Variants in CDH6 observed in about 807,000 individuals in gnomAD.
The protein encoded by CDH6 is cadherin-6.
In CDH6, 31 loss-of-function variants were observed where a neutral mutation model predicts 78.0. The ratio of observed to expected loss-of-function variants is 0.40; its 90% CI spans 0.30 to 0.54. The LOEUF is 0.54. CDH6 is among the 20% of genes least tolerant of loss of function. The probability of loss-of-function intolerance (pLI) is 0.56; values close to 1 mark genes in which losing one functional copy is unlikely to be tolerated. For synonymous variants in CDH6, 376 were observed against 368.8 expected (o/e 1.02, Z -0.23); for missense variants, 724 against 975.9 (o/e 0.74, Z 3.44).
intron 1 of CDH6, among the ~76,000 whole-genome samples, chr5:31,204,011 C>T (rs1012179416): frequency 1.3e-5 from 2 of 152,148 alleles, no homozygotes; most frequent in African/African-American, 4.8e-5. Context: ...GAGGTGGTCC[C>T]AAACCTCCAG....
chr5:31,318,381 TA>T (rs1269461894), intron 11 of CDH6: 4 of 280,320 alleles, frequency 1.4e-5, no homozygotes, highest in Non-Finnish European at 2.7e-5. Flanking sequence ...CCTAGAAAAA[TA>T]AAAACTATGA....
Position 31,316,479 on chromosome 5 carries a change from C to G in CDH6, c.1512+150C>G, listed in dbSNP as rs544086065. On this transcript the variant is annotated intron_variant, in intron 9 of 11. Transcript: ENST00000265071. ...TTAATACTATAAATAAGAACCAGGA[C>G]TTACATATGAGAACTAACAGTTTCG... is the stretch of plus-strand genomic sequence containing the variant. 1.0e-4 allele frequency: 67 copies of G among 653,036 alleles called. No individual in the cohort carries two copies. In the African/African-American group the frequency reaches 1.1e-3, roughly 11 times the overall value. 40.5% of individuals were successfully genotyped at this position (653,036 alleles called of 1,614,324 possible).
chr5:31,267,847 G>C (rs1015754863), intron 2 of CDH6, 146 bp downstream of exon 2: 1 of 629,776 alleles, frequency 1.6e-6, no homozygotes, highest in East Asian at 2.7e-5. Context: ...TTCCACTTGA[G>C]TAGTTTCGGG....
intron 11 of CDH6, chr5:31,318,905 C>A (rs1738400952): frequency 4.4e-6 from 1 of 225,300 alleles, no homozygotes; most frequent in Admixed American, 5.7e-5. Flanking sequence ...CTCCTTCACG[C>A]TCCACATCAA....
At chr5:31,226,538 T>C (rs1347801664) in intron 1 of CDH6, among the ~76,000 whole-genome samples, 1 of 152,168 alleles carries the variant, frequency 6.6e-6, no homozygotes, top group Admixed American at 6.5e-5. Context: ...CGCTTTCTTT[T>C]CTTGGAAGAG....
At chr5:31,230,131 G>A (rs904921792) in intron 1 of CDH6, among the ~76,000 whole-genome samples, 4 of 152,182 alleles carry the variant, frequency 2.6e-5, no homozygotes, top group African/African-American at 9.6e-5. Context: ...CACAGAAAGA[G>A]CCCTGAAGTC....
chr5:31,292,319 G>A (rs564404362), intron 2 of CDH6, among the ~76,000 whole-genome samples: 33 of 152,264 alleles, frequency 2.2e-4, no homozygotes, highest in African/African-American at 7.9e-4. Context: ...GACACTCAGA[G>A]CCTTTGACAT....
intron 1 of CDH6, among the ~76,000 whole-genome samples, chr5:31,243,419 G>A (rs1436155511): frequency 6.6e-6 from 1 of 152,206 alleles, no homozygotes; most frequent in Non-Finnish European, 1.5e-5. Context: ...TGGGGTTTCA[G>A]AATATTCAGC....
At chr5:31,290,280 A>T (rs1026869514) in intron 2 of CDH6, among the ~76,000 whole-genome samples, 1 of 152,164 alleles carries the variant, frequency 6.6e-6, no homozygotes, top group East Asian at 1.9e-4. Context: ...AACACATTTT[A>T]AAAATCAACA....
chr5:31,258,983 C>T (rs1043648604), intron 1 of CDH6, among the ~76,000 whole-genome samples: 1 of 152,170 alleles, frequency 6.6e-6, no homozygotes, highest in African/African-American at 2.4e-5. Flanking sequence ...CGTGGACAAG[C>T]TATTTGACCT....
At chr5:31,243,627 A>G (rs1292271739) in intron 1 of CDH6, among the ~76,000 whole-genome samples, 1 of 152,058 alleles carries the variant, frequency 6.6e-6, no homozygotes, top group African/African-American at 2.4e-5. Flanking sequence ...TGCCTGCTTG[A>G]CACTTCCCTC....
rs1424097143 is a variant in CDH6 at position 31,302,898 on chromosome 5, AG to A, written c.999+601del. ...GGGAAGGAAGGAAGGAAAGAAAGAAAGAAAAAAAGAAAGAAAGAAAGAAAGA... is the reference window on the plus strand; with the variant it reads ...GGGAAGGAAGGAAGGAAAGAAAGAAAAAAAAAAGAAAGAAAGAAAGAAAGA... On this transcript the variant is annotated intron_variant, in intron 6 of 11. Transcript: ENST00000265071. Among the ~76,000 whole-genome samples the A allele has an allele frequency of 4.3e-3, 597 of 139,590 alleles. 3 individuals are homozygous for A. Among genetic ancestry groups the A allele is most frequent in the African/African-American group, 0.015 (559 of 36,932 alleles). 91.6% of individuals were successfully genotyped at this position (139,590 alleles called of 152,430 possible). A position where few individuals can be genotyped will look rare whatever the true frequency, so the allele number is the denominator to read the frequency against.
intron 1 of CDH6, among the ~76,000 whole-genome samples, chr5:31,234,486 A>G (rs1193696058): frequency 1.3e-5 from 2 of 152,192 alleles, no homozygotes; most frequent in Non-Finnish European, 2.9e-5. Context: ...GAGTGTTACT[A>G]ATAACTAGAT....
chr5:31,214,113 A>C (rs13166757), intron 1 of CDH6, among the ~76,000 whole-genome samples: 41,286 of 147,722 alleles, frequency 0.28, 5,969 homozygotes, highest in Non-Finnish European at 0.32. Flanking sequence ...GATGACCAGA[A>C]AGGTGCACGG....
chr5:31,238,429 C>A lies in CDH6; in HGVS notation c.-128-28917C>A, dbSNP rs114043686. On this transcript the variant is annotated intron_variant, in intron 1 of 11. Coordinates refer to ENST00000265071, the MANE Select transcript of CDH6 (RefSeq NM_004932.4). ...TCTCCCCAGACCCTCTCACTCCAAA[C>A]TGCTCTACTTTCCATGGAGCTATCT... Among the ~76,000 whole-genome samples the A allele has an allele frequency of 8.9e-4, 135 of 152,314 alleles. No individual in the cohort carries two copies. The Middle Eastern group carries it at 0.01, about 12-fold the overall frequency.
chr5:31,287,080 T>C (rs1207569946), intron 2 of CDH6, among the ~76,000 whole-genome samples: 1 of 152,140 alleles, frequency 6.6e-6, no homozygotes, highest in Non-Finnish European at 1.5e-5. Context: ...TATTCTTGAC[T>C]CCAGATCTCA....
At chr5:31,321,418 T>A (rs1738475664) in intron 11 of CDH6, among the ~76,000 whole-genome samples, 1 of 152,206 alleles carries the variant, frequency 6.6e-6, no homozygotes, top group Admixed American at 6.5e-5. Context: ...GGCTTTTTAG[T>A]CTGACCAACC....
Position 31,313,423 on chromosome 5 carries a change from G to T in CDH6, c.1359G>T (p.Trp453Cys), listed in dbSNP as rs750364235. 1 of 1,613,920 alleles carries T rather than the reference G, an allele frequency of 6.2e-7. No individual in the cohort carries two copies. The highest frequency in any genetic ancestry group is 8.5e-7 in the Non-Finnish European group (1 of 1,179,832). The change falls in exon 8 of 12, where the codon TGG becomes TGT. Residue 453 changes from tryptophan (W) to cysteine (C), a missense_variant. This residue lies in a region of CDH6 where 446 missense variants were observed against 684.5 expected (regional missense o/e 0.65). Coordinates refer to ENST00000265071, the MANE Select transcript of CDH6 (RefSeq NM_004932.4). ...SKLLDRETLL[W>C]HNITVIATEI... ...TTCTTGACCGAGAAACACTGCTATGGCACAACATTACAGTGATAGCAACAG... is the reference window on the plus strand; with the variant it reads ...TTCTTGACCGAGAAACACTGCTATGTCACAACATTACAGTGATAGCAACAG...
chr5:31,304,482 C>T lies in CDH6; in HGVS notation c.1000-692C>T, dbSNP rs185857726. 3.2e-3 allele frequency among the ~76,000 whole-genome samples: 481 copies of T among 151,996 alleles called. 4 individuals are homozygous for T. The highest frequency in any genetic ancestry group is 0.011 in the African/African-American group (445 of 41,482). Reference sequence around the variant, plus strand: ...CAGGTGGATCACGAGTTCAAGAGATCGAGACCATCCTGGCCAACATGATGA... The same window carrying T: ...CAGGTGGATCACGAGTTCAAGAGATTGAGACCATCCTGGCCAACATGATGA... On this transcript the variant is annotated intron_variant, in intron 6 of 11. Coordinates refer to ENST00000265071, the MANE Select transcript of CDH6 (RefSeq NM_004932.4).
Sources: gnomAD v4.1 joint callset for allele counts (sites outside exome capture counted in the v4.1 genomes callset) on GRCh38, gnomAD v4.1.1 for gene constraint, gnomAD v4.1.1 regional missense constraint, MANE v1.5 for transcripts, NCBI Gene and HGNC (gene_info 2026-07-23, HGNC 2026-07-21) for gene names.